GALNT7: variants seen among roughly 807,000 people sequenced by gnomAD.
The protein encoded by GALNT7 is N-acetylgalactosaminyltransferase 7.
A neutral mutation model predicts 82.1 loss-of-function variants in GALNT7; 60 were observed. The observed-to-expected ratio is 0.73, with a 90% CI of 0.59 to 0.91. GALNT7 has a LOEUF of 0.91. Among genes scored for constraint, GALNT7 ranks in the 40% least tolerant of loss-of-function variants. The pLI is 0.00. For synonymous variants in GALNT7, 243 were observed against 275.1 expected (o/e 0.88, Z 1.15); for missense variants, 660 against 804.2 (o/e 0.82, Z 2.17).
chr4:173,231,052 C>T (rs1734014562), intron 1 of GALNT7, among the ~76,000 whole-genome samples: 1 of 152,166 alleles, frequency 6.6e-6, no homozygotes, highest in African/African-American at 2.4e-5. Context: ...ACAGTAGTAC[C>T]TCAGTTGGAA....
At chr4:173,295,636 A>G in intron 4 of GALNT7, 110 bp downstream of exon 4, 3 of 1,215,986 alleles carry the variant, frequency 2.5e-6, no homozygotes, top group Non-Finnish European at 1.2e-6. Flanking sequence ...ATGCTGGCTT[A>G]AACAGATAAC....
At chr4:173,317,399 G>T in intron 9 of GALNT7, 1 of 316,204 alleles carries the variant, frequency 3.2e-6, no homozygotes, top group Non-Finnish European at 5.9e-6. Context: ...GGTATTTTAC[G>T]GAAATGTATA....
At position 173,168,913 on chromosome 4, in the gene GALNT7, T is replaced by TA; in HGVS notation, c.78_79insA (p.Ser27IlefsTer23). The TA allele has an allele frequency of 6.2e-7, 1 of 1,613,326 alleles. No homozygotes were observed. Among genetic ancestry groups the TA allele is most frequent in the Non-Finnish European group, 8.5e-7 (1 of 1,179,504 alleles). On this transcript the variant is annotated frameshift_variant, in exon 1 of 12. Coordinates refer to ENST00000265000, the MANE Select transcript of GALNT7 (RefSeq NM_017423.3). LOFTEE classifies it high-confidence loss of function. ...TCCTGGGGCTAGTGGTCCTCTGGTC[T>TA]TCCCTGACCCCGCGGCCGGACGACC...
intron 1 of GALNT7, 45 bp downstream of exon 1, chr4:173,169,006 T>A: frequency 6.3e-7 from 1 of 1,597,282 alleles, no homozygotes; most frequent in Non-Finnish European, 8.5e-7. Flanking sequence ...GACCGGCAAC[T>A]TGTTTTGTTT....
intron 1 of GALNT7, among the ~76,000 whole-genome samples, chr4:173,176,866 T>C (rs722827): frequency 0.15 from 23,533 of 152,150 alleles, 1,899 homozygotes; most frequent in Non-Finnish European, 0.18. Context: ...AGAGCTGGGC[T>C]ATAAGGAATA....
Position 173,320,845 on chromosome 4 carries a change from A to G in GALNT7, c.1837-735A>G, listed in dbSNP as rs2126879766. The stretch of plus-strand genomic sequence containing the variant: ...AATAAAACGAATGTTTTGCTCCTTC[A>G]TCAGTGACATCCTTAAGTGAAACCG... On this transcript the variant is annotated intron_variant, in intron 11 of 11. Coordinates refer to ENST00000265000, the MANE Select transcript of GALNT7 (RefSeq NM_017423.3). This position sits in a 1 kb window ranked among gnomAD's most constrained non-coding sequence, Gnocchi z 4.1. Among the ~76,000 whole-genome samples the G allele has an allele frequency of 6.6e-6, 1 of 152,210 alleles. No individual in the cohort carries two copies. The highest frequency in any genetic ancestry group is 2.4e-5 in the African/African-American group (1 of 41,540).
chr4:173,210,243 C>T (rs1255286246), intron 1 of GALNT7, among the ~76,000 whole-genome samples: 2 of 152,046 alleles, frequency 1.3e-5, no homozygotes, highest in Admixed American at 6.5e-5. Context: ...TGTTTCCTGG[C>T]GGGAAGGATG....
intron 2 of GALNT7, among the ~76,000 whole-genome samples, chr4:173,253,380 G>T (rs1235986175): frequency 6.6e-6 from 1 of 152,064 alleles, no homozygotes; most frequent in Non-Finnish European, 1.5e-5. Flanking sequence ...AAGATAGTAG[G>T]GCATTGGAAG....
intron 11 of GALNT7, among the ~76,000 whole-genome samples, chr4:173,321,283 T>C (rs1389547771): frequency 2.0e-5 from 3 of 152,130 alleles, no homozygotes; most frequent in South Asian, 2.1e-4. Flanking sequence ...TTAGCCAGGA[T>C]AGGAACAAGA....
chr4:173,194,067 A>G (rs964640111), intron 1 of GALNT7, among the ~76,000 whole-genome samples: 3 of 152,178 alleles, frequency 2.0e-5, no homozygotes, highest in Non-Finnish European at 2.9e-5. Context: ...AGTCTTTTTG[A>G]TAGTCTAGGA....
intron 1 of GALNT7, among the ~76,000 whole-genome samples, chr4:173,235,335 C>G (rs920242062): frequency 6.6e-6 from 1 of 152,192 alleles, no homozygotes; most frequent in Non-Finnish European, 1.5e-5. Flanking sequence ...TAGCTACTAC[C>G]TAATCTTCAG....
chr4:173,284,227 C>T (rs73001558), intron 2 of GALNT7, among the ~76,000 whole-genome samples: 3,845 of 152,250 alleles, frequency 0.025, 156 homozygotes, highest in African/African-American at 0.082. Flanking sequence ...TAAAGTTCCA[C>T]AGTGATTATA....
chr4:173,313,416 C>A (rs1276927677), intron 8 of GALNT7, among the ~76,000 whole-genome samples: 1 of 150,892 alleles, frequency 6.6e-6, no homozygotes, highest in Non-Finnish European at 1.5e-5. Flanking sequence ...AAAAAAATAA[C>A]AAAAATTAGC....
intron 6 of GALNT7, among the ~76,000 whole-genome samples, chr4:173,300,993 G>A (rs2126845763): frequency 6.6e-6 from 1 of 152,134 alleles, no homozygotes; most frequent in Admixed American, 6.5e-5. Flanking sequence ...AAGGTAGCTG[G>A]ATGTGTTGGT....
rs567417431 is a variant in GALNT7 at position 173,179,789 on chromosome 4, GAAAAC to G, written c.126+10843_126+10847del. ...ATATATTCCTTAGAAAGCCTAAATA[GAAAAC>G]AAAACAAAACAAAAGAACAGTAAGG... On this transcript the variant is annotated intron_variant, in intron 1 of 11. Coordinates refer to ENST00000265000, the MANE Select transcript of GALNT7 (RefSeq NM_017423.3). Among the ~76,000 whole-genome samples, 4 of 152,112 alleles carry G rather than the reference GAAAAC, an allele frequency of 2.6e-5. 1 individual carries two copies. The highest frequency in any genetic ancestry group is 1.5e-5 in the Non-Finnish European group (1 of 67,978).
chr4:173,182,738 T>TAC (rs35300617), intron 1 of GALNT7, among the ~76,000 whole-genome samples: 11,993 of 115,592 alleles, frequency 0.1, 1,020 homozygotes, highest in African/African-American at 0.24. Flanking sequence ...TTACTCTTAA[T>TAC]ACACACACAC....
At chr4:173,317,199 C>T (rs116289940) in intron 9 of GALNT7, 218 of 162,566 alleles carry the variant, frequency 1.3e-3, no homozygotes, top group African/African-American at 4.9e-3. Flanking sequence ...ACCCTAGACC[C>T]CTACAGGCAG....
chr4:173,220,875 C>T (rs941922565), intron 1 of GALNT7, among the ~76,000 whole-genome samples: 4 of 152,060 alleles, frequency 2.6e-5, no homozygotes, highest in African/African-American at 9.7e-5. Flanking sequence ...TGTATATGTG[C>T]TACATTTTCT....
chr4:173,212,553 A>C (rs755739656), intron 1 of GALNT7, among the ~76,000 whole-genome samples: 2 of 152,022 alleles, frequency 1.3e-5, no homozygotes, highest in Non-Finnish European at 2.9e-5. Flanking sequence ...AAAGAGATGA[A>C]GGGATTAACT....
Sources: allele counts gnomAD v4.1 joint callset (sites outside exome capture counted in the v4.1 genomes callset), GRCh38; gene constraint gnomAD v4.1.1; non-coding constraint Gnocchi (gnomAD v3.1); transcripts MANE v1.5; gene names NCBI Gene and HGNC (gene_info 2026-07-23, HGNC 2026-07-21).